RAB4B: variants seen among roughly 807,000 people sequenced by gnomAD.
RAB4B encodes RAB4B, member RAS oncogene family, also known as ras-related protein Rab-4B.
RAB4B carries 15 observed loss-of-function variants against 28.3 expected under a neutral mutation model. The observed-to-expected ratio is 0.53, with a 90% CI of 0.35 to 0.82. The LOEUF is 0.82. RAB4B is among the 40% of genes least tolerant of loss of function. The pLI is 0.01. For synonymous variants in RAB4B, 108 were observed against 116.3 expected (o/e 0.93, Z 0.46); for missense variants, 244 against 288.5 (o/e 0.85, Z 1.12).
intron 6 of RAB4B, 24 bp from the exon 7 acceptor site, chr19:40,786,824 G>C: frequency 6.2e-7 from 1 of 1,614,140 alleles, no homozygotes; most frequent in South Asian, 1.1e-5. Flanking sequence ...GGCAACCAAT[G>C]CTGACCTCTC....
intron 3 of RAB4B, 86 bp downstream of exon 3, chr19:40,780,585 C>G (rs1824524177): frequency 1.8e-6 from 2 of 1,137,926 alleles, no homozygotes; most frequent in Non-Finnish European, 2.6e-6. Context: ...CTTGGAGACA[C>G]TGAGAGGGCA....
At position 40,787,117 on chromosome 19, in the gene RAB4B, AT is replaced by A; in HGVS notation, c.*15+140del. On this transcript the variant is annotated intron_variant, in intron 7 of 7. Transcript: ENST00000357052. ...CAAAAACACACAAGCTAAAGGAGGC[AT>A]CTGGCTGGGCGCAGTGGCTCACGCC... The A allele has an allele frequency of 3.6e-6, 3 of 842,492 alleles. No homozygotes were observed. In the South Asian group the frequency reaches 4.9e-5, roughly 14 times the overall value. 52.2% of individuals were successfully genotyped at this position (842,492 alleles called of 1,614,324 possible).
At chr19:40,790,664 C>CTTTTTT (rs34206561) in intron 7 of RAB4B, among the ~76,000 whole-genome samples, 9 of 111,510 alleles carry the variant, frequency 8.1e-5, no homozygotes, top group East Asian at 2.7e-4. Flanking sequence ...TGAGCCTTTC[C>CTTTTTT]TTTTTTTTTT....
Position 40,783,766 on chromosome 19 carries a change from CT to C in RAB4B, c.213-11del, listed in dbSNP as rs1306732226. The C allele has an allele frequency of 6.5e-7, 1 of 1,529,174 alleles. No individual in the cohort carries two copies. The highest frequency in any genetic ancestry group is 8.8e-7 in the Non-Finnish European group (1 of 1,132,638). 94.7% of individuals were successfully genotyped at this position (1,529,174 alleles called of 1,614,324 possible). A position where few individuals can be genotyped will look rare whatever the true frequency, so the allele number is the denominator to read the frequency against. The stretch of plus-strand genomic sequence containing the variant: ...CAGCCTTGGGGGTGACTGGGTCCCC[CT>C]GGCCCCACAGGTCAGTGACGCGGAG... On this transcript the variant is annotated splice_polypyrimidine_tract_variant and intron_variant, in intron 3 of 7. Coordinates refer to ENST00000357052, the MANE Select transcript of RAB4B (RefSeq NM_016154.5).
In RAB4B at chr19:40,778,301, G is replaced by C; in HGVS notation, c.-75G>C. 7.0e-7 allele frequency: 1 copy of C among 1,425,062 alleles called. No homozygotes were observed. The highest frequency in any genetic ancestry group is 9.3e-7 in the Non-Finnish European group (1 of 1,071,858). 88.3% of individuals were successfully genotyped at this position (1,425,062 alleles called of 1,614,324 possible). ...GGAAGGAGCCGGGGCTGTAGCCGGA[G>C]TGGAGCGGCTGCCAGCCGAGGAGCA... On this transcript the variant is annotated 5_prime_UTR_variant, in exon 1 of 8. Coordinates refer to ENST00000357052, the MANE Select transcript of RAB4B (RefSeq NM_016154.5).
intron 7 of RAB4B, among the ~76,000 whole-genome samples, chr19:40,787,585 G>C (rs1305248166): frequency 6.7e-6 from 1 of 148,276 alleles, no homozygotes; most frequent in East Asian, 2.0e-4. Flanking sequence ...GGCACTGGGG[G>C]AGAGGGGTCA....
At chr19:40,791,152 G>T (rs2083155814) in intron 7 of RAB4B, among the ~76,000 whole-genome samples, 2 of 152,110 alleles carry the variant, frequency 1.3e-5, no homozygotes, top group African/African-American at 4.8e-5. Context: ...ATTGCGCCCG[G>T]CCAATTTTTG....
rs548079351 is a variant in RAB4B, at chr19:40,780,235, C to T, written c.97+136C>T. 1.8e-5 allele frequency: 26 copies of T among 1,461,724 alleles called. No individual in the cohort carries two copies. The East Asian group carries it at 4.3e-4, about 24-fold the overall frequency. 90.5% of individuals were successfully genotyped at this position (1,461,724 alleles called of 1,614,324 possible). On this transcript the variant is annotated intron_variant, in intron 2 of 7. Transcript: ENST00000357052. ...GCTGGCTTTTTGGTCCTTGCTTTGT[C>T]GTATGTCCTTTACTAGGTTCTCCTT...
chr19:40,789,663 C>T (rs151207366), intron 7 of RAB4B, among the ~76,000 whole-genome samples: 3 of 152,110 alleles, frequency 2.0e-5, no homozygotes, highest in African/African-American at 7.2e-5. Flanking sequence ...GCCACCATGC[C>T]CAGCTAATTT....
chr19:40,781,434 T>C (rs2083046873), intron 3 of RAB4B, among the ~76,000 whole-genome samples: 1 of 151,812 alleles, frequency 6.6e-6, no homozygotes, highest in African/African-American at 2.4e-5. Context: ...GTTGAATGAA[T>C]GAATGCACGA....
chr19:40,787,664 G>A (rs1195439986), intron 7 of RAB4B, among the ~76,000 whole-genome samples: 5 of 151,666 alleles, frequency 3.3e-5, no homozygotes, highest in East Asian at 3.9e-4. Flanking sequence ...GATCAGGGTG[G>A]GATAGGGCAG....
intron 3 of RAB4B, 99 bp from the exon 4 acceptor site, chr19:40,783,679 A>T (rs2083071537): frequency 8.4e-7 from 1 of 1,195,546 alleles, no homozygotes; most frequent in Non-Finnish European, 1.1e-6. Flanking sequence ...CCAGCAGTGA[A>T]GGGGGGGGCC....
At chr19:40,789,011 AC>A (rs1161282540) in intron 7 of RAB4B, among the ~76,000 whole-genome samples, 3 of 151,436 alleles carry the variant, frequency 2.0e-5, no homozygotes, top group Non-Finnish European at 4.4e-5. Flanking sequence ...CGATCTCTTG[AC>A]CTTGTGATCT....
intron 7 of RAB4B, among the ~76,000 whole-genome samples, chr19:40,795,695 G>GATTTATTT (rs563508687): frequency 2.2e-4 from 31 of 139,498 alleles, no homozygotes; most frequent in African/African-American, 6.1e-4. Context: ...GTGCCTGGCC[G>GATTTATTT]ATTTATTTAT....
intron 7 of RAB4B, among the ~76,000 whole-genome samples, chr19:40,793,761 T>G (rs2083182305): frequency 6.6e-6 from 1 of 150,610 alleles, no homozygotes; most frequent in Non-Finnish European, 1.5e-5. Flanking sequence ...CCACCTCTAC[T>G]AAAAATACAA....
At position 40,783,686 on chromosome 19, in the gene RAB4B, G is replaced by T. The variant is rs566601554; in HGVS notation, c.213-92G>T. On this transcript the variant is annotated intron_variant, in intron 3 of 7. Coordinates refer to ENST00000357052, the MANE Select transcript of RAB4B (RefSeq NM_016154.5). ...GGGATGGGCCAGCAGTGAAGGGGGG[G>T]GCCTCCGAACCACCAGTCTGTCTCT... The T allele has an allele frequency of 2.3e-4, 296 of 1,276,384 alleles. 4 individuals carry two copies. The East Asian group carries it at 7.5e-3, about 32-fold the overall frequency. The allele number at this position is 1,276,384 out of a possible 1,614,324, so 79.1% of individuals were successfully genotyped here. A position where few individuals can be genotyped will look rare whatever the true frequency, so the allele number is the denominator to read the frequency against.
chr19:40,780,410 C>T lies in RAB4B; in HGVS notation c.123C>T (p.Ile41=), dbSNP rs146085542. The part of the protein sequence containing the change: ...NKFKQDSNHT[I]GVEFGSRVVN... The stretch of plus-strand genomic sequence containing the variant: ...TCAAACAGGACTCCAACCACACAAT[C>T]GGCGTGGAGTTTGGATCCCGGGTGG... Residue 41 remains isoleucine, a synonymous_variant, in exon 3 of 8, where the codon ATC becomes ATT. Transcript: ENST00000357052. 6.8e-6 allele frequency: 11 copies of T among 1,611,936 alleles called. No homozygotes were observed. Among genetic ancestry groups the T allele is most frequent in the East Asian group, 2.2e-5 (1 of 44,790 alleles).
At position 40,783,997 on chromosome 19, in the gene RAB4B, C is replaced by A. The variant is rs757962432; in HGVS notation, c.352C>A (p.Leu118Ile). The change falls in exon 5 of 8, where the codon CTC becomes ATC. Residue 118 changes from leucine (L) to isoleucine (I), a missense_variant. Leu to Ile is a conservative substitution (Grantham distance 5). Coordinates refer to ENST00000357052, the MANE Select transcript of RAB4B (RefSeq NM_016154.5). The part of the protein sequence containing the change: ...TLASPNIVVI[L>I]CGNKKDLDPE... ...GGCCAGCCCCAACATCGTGGTCATC[C>A]TCTGTGGCAACAAGAAGGACCTGGA... 7.4e-6 allele frequency: 12 copies of A among 1,614,182 alleles called. No homozygotes were observed. In the South Asian group the frequency reaches 1.3e-4, roughly 18 times the overall value.
intron 5 of RAB4B, among the ~76,000 whole-genome samples, chr19:40,784,449 C>T (rs374311240): frequency 1.3e-5 from 2 of 152,154 alleles, no homozygotes; most frequent in African/African-American, 4.8e-5. Flanking sequence ...GCTGTGATCA[C>T]GCCATTGTAC....
Sources: gnomAD v4.1 joint callset for allele counts (sites outside exome capture counted in the v4.1 genomes callset) on GRCh38, gnomAD v4.1.1 for gene constraint, MANE v1.5 for transcripts, NCBI Gene and HGNC (gene_info 2026-07-23, HGNC 2026-07-21) for gene names.